TMEM87A: variants seen among roughly 807,000 people sequenced by gnomAD.
The protein encoded by TMEM87A is Golgi-pH regulating cation channel.
In TMEM87A, 50 loss-of-function variants were observed where a neutral mutation model predicts 90.0. That is an observed-to-expected ratio of 0.56 (90% CI 0.44 to 0.70). TMEM87A has a LOEUF of 0.70. Among genes scored for constraint, TMEM87A ranks in the 30% least tolerant of loss-of-function variants. The pLI is 0.00. For synonymous variants in TMEM87A, 226 were observed against 226.7 expected (o/e 1.00, Z 0.03); for missense variants, 577 against 660.5 (o/e 0.87, Z 1.39).
chr15:42,229,646 C>T (rs558811259), intron 12 of TMEM87A, among the ~76,000 whole-genome samples: 2 of 152,222 alleles, frequency 1.3e-5, no homozygotes, highest in South Asian at 2.1e-4. Flanking sequence ...AAGGAACCTG[C>T]CATCAGTTGC....
At chr15:42,211,864 A>T (rs987083184) in intron 19 of TMEM87A, 115 bp from the exon 20 acceptor site, 20 of 965,960 alleles carry the variant, frequency 2.1e-5, no homozygotes, top group Non-Finnish European at 2.5e-5. Flanking sequence ...TGTTAATTAA[A>T]TGTTTAGAGA....
chr15:42,211,863 A>G, intron 19 of TMEM87A, 114 bp from the exon 20 acceptor site: 2 of 979,998 alleles, frequency 2.0e-6, no homozygotes, highest in Non-Finnish European at 3.1e-6. Flanking sequence ...ATGTTAATTA[A>G]ATGTTTAGAG....
intron 3 of TMEM87A, among the ~76,000 whole-genome samples, chr15:42,266,396 A>G (rs1331255358): frequency 6.6e-6 from 1 of 151,982 alleles, no homozygotes; most frequent in African/African-American, 2.4e-5. Flanking sequence ...GACACCTGTA[A>G]TCCCAGCTAC....
intron 6 of TMEM87A, among the ~76,000 whole-genome samples, chr15:42,260,015 G>A (rs992757800): frequency 1.2e-4 from 12 of 103,836 alleles, no homozygotes; most frequent in Admixed American, 6.0e-4. Flanking sequence ...TGGAATTAGC[G>A]ATTGGTGCTT....
At chr15:42,243,622 C>T (rs979045323) in intron 7 of TMEM87A, among the ~76,000 whole-genome samples, 3 of 149,268 alleles carry the variant, frequency 2.0e-5, no homozygotes, top group African/African-American at 5.0e-5. Context: ...CGGGTTCAAG[C>T]GATTCTCCCG....
intron 6 of TMEM87A, among the ~76,000 whole-genome samples, chr15:42,246,402 C>T (rs1196840271): frequency 1.3e-5 from 2 of 152,078 alleles, no homozygotes; most frequent in East Asian, 1.9e-4. Flanking sequence ...CCCATTAACT[C>T]GTCATTTACA....
At chr15:42,248,946 T>A (rs2051031783) in intron 6 of TMEM87A, among the ~76,000 whole-genome samples, 1 of 152,224 alleles carries the variant, frequency 6.6e-6, no homozygotes, top group Non-Finnish European at 1.5e-5. Context: ...CTATTAATTA[T>A]TGCCTCAATT....
intron 11 of TMEM87A, chr15:42,231,953 G>C (rs965369977): frequency 1.7e-6 from 2 of 1,173,662 alleles, no homozygotes; most frequent in South Asian, 2.7e-5. Context: ...GAAATTGACA[G>C]AGGGTTAAAG....
At chr15:42,222,990 A>AT (rs1292921157) in intron 15 of TMEM87A, among the ~76,000 whole-genome samples, 1 of 152,242 alleles carries the variant, frequency 6.6e-6, no homozygotes, top group Non-Finnish European at 1.5e-5. Context: ...TATTTCTGAG[A>AT]TTTTGTATGA....
At chr15:42,238,799 A>T (rs1442948395) in intron 8 of TMEM87A, among the ~76,000 whole-genome samples, 1 of 148,200 alleles carries the variant, frequency 6.7e-6, no homozygotes, top group African/African-American at 2.5e-5. Flanking sequence ...TCACGATCTA[A>T]AATTATATAG....
intron 17 of TMEM87A, chr15:42,218,791 A>G (rs1407725350): frequency 6.1e-6 from 1 of 163,636 alleles, no homozygotes. Context: ...CAAAATACAC[A>G]TTTTCCTTAT....
rs572018534 is a variant in TMEM87A, at chr15:42,258,647, G to T, written c.504+2311C>A. 6.3e-6 allele frequency: 6 copies of T among 954,948 alleles called. No individual in the cohort carries two copies. The African/African-American group carries it at 8.6e-5, about 14-fold the overall frequency. 59.2% of individuals were successfully genotyped at this position (954,948 alleles called of 1,614,324 possible). A position where few individuals can be genotyped will look rare whatever the true frequency, so the allele number is the denominator to read the frequency against. On this transcript the variant is annotated intron_variant, in intron 6 of 19. Transcript: ENST00000389834. ...TCACCACATTGGCCAAGCTGGTCTC[G>T]AACTCCCAACCTCAAGTCATCTGCC...
intron 15 of TMEM87A, among the ~76,000 whole-genome samples, chr15:42,221,130 C>G (rs961237468): frequency 1.3e-5 from 2 of 152,046 alleles, no homozygotes; most frequent in Non-Finnish European, 2.9e-5. Flanking sequence ...CGCGCCTGGC[C>G]GAAAACAACT....
At chr15:42,242,366 G>A (rs986814765) in intron 7 of TMEM87A, among the ~76,000 whole-genome samples, 1 of 152,164 alleles carries the variant, frequency 6.6e-6, no homozygotes, top group Non-Finnish European at 1.5e-5. Context: ...GATGCATGAA[G>A]AAGCTGAAGT....
At chr15:42,234,616 A>C (rs1319499221) in intron 10 of TMEM87A, among the ~76,000 whole-genome samples, 6 of 152,180 alleles carry the variant, frequency 3.9e-5, no homozygotes, top group Non-Finnish European at 5.9e-5. Context: ...CCTTAATCCT[A>C]CTTAAAGCAC....
chr15:42,227,130 G>A (rs1595714134), intron 14 of TMEM87A: 3 of 529,464 alleles, frequency 5.7e-6, no homozygotes, highest in Admixed American at 3.4e-5. Flanking sequence ...ATGCATCAAC[G>A]GAACAGAGTA....
chr15:42,273,238 G>T lies in TMEM87A; in HGVS notation c.144+17C>A, dbSNP rs1245570051. On this transcript the variant is annotated intron_variant, in intron 1 of 19. Coordinates refer to ENST00000389834, the MANE Select transcript of TMEM87A (RefSeq NM_015497.5). ...CTTGCTCCTCTAGGTTCAGACGTTA[G>T]TGAAGTGAATACTCACCGACGGTAT... 1.9e-6 allele frequency: 3 copies of T among 1,613,090 alleles called. No homozygotes were observed. The African/African-American group carries it at 4.0e-5, about 22-fold the overall frequency.
chr15:42,227,703 T>A lies in TMEM87A; in HGVS notation c.1299+8A>T. On this transcript the variant is annotated splice_region_variant and intron_variant, in intron 14 of 19. Coordinates refer to ENST00000389834, the MANE Select transcript of TMEM87A (RefSeq NM_015497.5). ...AGTACATTATTCATAAATGTGCTTA[T>A]AACTCACCGACTGACATGTCACTAT... The A allele has an allele frequency of 6.2e-7, 1 of 1,612,592 alleles. No homozygotes were observed. The highest frequency in any genetic ancestry group is 8.5e-7 in the Non-Finnish European group (1 of 1,178,718).
At position 42,267,961 on chromosome 15, in the gene TMEM87A, T is replaced by C. The variant is rs369283413; in HGVS notation, c.277A>G (p.Ile93Val). ...YLKSADCYNE[I>V]YNFKAEEVEL... is the part of the protein sequence containing the mutation. ...ATGTTCCTTACCTTGAAGTTATAGA[T>C]TTCATTGTAACAATCAGCGCTTTTC... The change falls in exon 3 of 20, where the codon ATC becomes GTC. Residue 93 changes from isoleucine to valine, a missense_variant. Coordinates refer to ENST00000389834, the MANE Select transcript of TMEM87A (RefSeq NM_015497.5). 1 of 1,613,014 alleles carries C rather than the reference T, an allele frequency of 6.2e-7. No homozygotes were observed. The highest frequency in any genetic ancestry group is 1.3e-5 in the African/African-American group (1 of 74,892).
Sources: gnomAD v4.1 joint callset for allele counts (sites outside exome capture counted in the v4.1 genomes callset) on GRCh38, gnomAD v4.1.1 for gene constraint, MANE v1.5 for transcripts, NCBI Gene and HGNC (gene_info 2026-07-23, HGNC 2026-07-21) for gene names.